Variants in REPS1 observed in about 807,000 individuals in gnomAD.
The protein encoded by REPS1 is RALBP1 associated Eps domain containing 1.
A neutral mutation model predicts 100.9 loss-of-function variants in REPS1; 39 were observed. The observed-to-expected ratio is 0.39, with a 90% CI of 0.30 to 0.50. The LOEUF is 0.50. Ranked by LOEUF, REPS1 falls within the 20% of genes least tolerant of loss-of-function variation. The pLI, the probability that REPS1 is intolerant of heterozygous loss-of-function variation, is 0.86. For missense variants in REPS1, 821 were observed against 968.5 expected, an observed-to-expected ratio of 0.85 and a Z score of 2.02; for synonymous variants, 324 against 340.3, an observed-to-expected ratio of 0.95 and a Z score of 0.53.
chr6:138,917,370 T>C (rs1780469363), intron 13 of REPS1, among the ~76,000 whole-genome samples, 185 bp downstream of exon 13: 1 of 152,252 alleles, frequency 6.6e-6, no homozygotes, highest in South Asian at 2.1e-4. Context: ...ATTTAGAAAG[T>C]CAGGGTTCTT....
intron 1 of REPS1, among the ~76,000 whole-genome samples, chr6:138,951,476 G>A (rs562567500): frequency 2.6e-5 from 4 of 152,118 alleles, no homozygotes; most frequent in East Asian, 1.9e-4. Context: ...TCATTTAGAC[G>A]TGGTGTATTA....
At chr6:138,926,736 TAC>T (rs2128452978) in intron 9 of REPS1, 1 of 353,384 alleles carries the variant, frequency 2.8e-6, no homozygotes, top group South Asian at 4.0e-5. Flanking sequence ...TTTAAAGCCT[TAC>T]AGAGTTAAAA....
At chr6:138,940,713 T>C (rs947157558) in intron 8 of REPS1, among the ~76,000 whole-genome samples, 17 of 148,214 alleles carry the variant, frequency 1.1e-4, no homozygotes, top group Non-Finnish European at 2.2e-4. Context: ...GCCACTGCAC[T>C]CCAGCCTGGT....
intron 1 of REPS1, among the ~76,000 whole-genome samples, chr6:138,956,746 C>A (rs953229): frequency 0.07 from 10,606 of 151,754 alleles, 697 homozygotes; most frequent in East Asian, 0.21. Flanking sequence ...GAACAGCTTA[C>A]CAAAGATCAG....
At chr6:138,983,308 C>T (rs964472478) in intron 1 of REPS1, among the ~76,000 whole-genome samples, 2 of 151,858 alleles carry the variant, frequency 1.3e-5, no homozygotes, top group Non-Finnish European at 2.9e-5. Context: ...AAAAATTAGC[C>T]GAGTGTGGTG....
Position 138,914,783 on chromosome 6 carries a change from T to C in REPS1, c.1721-22A>G, listed in dbSNP as rs186965679. The C allele has an allele frequency of 1.7e-4, 269 of 1,600,824 alleles. 2 individuals carry two copies. In the Admixed American group the frequency reaches 4.5e-3, roughly 27 times the overall value. On this transcript the variant is annotated intron_variant, in intron 14 of 19. Coordinates refer to ENST00000450536, the MANE Select transcript of REPS1 (RefSeq NM_001286611.2). ...TGTCCTGCATGAATACAAAAGTTCT[T>C]CTTTTTAGTAACTGTATAATCACTT... is the stretch of plus-strand genomic sequence containing the variant.
chr6:138,959,880 C>T (rs1433853150), intron 1 of REPS1, among the ~76,000 whole-genome samples: 1 of 152,160 alleles, frequency 6.6e-6, no homozygotes, highest in Non-Finnish European at 1.5e-5. Flanking sequence ...ACCATTATCC[C>T]CAGTTCATAG....
chr6:138,945,171 C>G (rs1368387691), intron 4 of REPS1, 48 bp downstream of exon 4: 1 of 1,509,054 alleles, frequency 6.6e-7, no homozygotes, highest in Admixed American at 2.1e-5. Context: ...GAGTGCAAGA[C>G]CAGCCTGGGC....
chr6:138,918,794 C>T (rs1456379360), intron 12 of REPS1, among the ~76,000 whole-genome samples: 1 of 152,054 alleles, frequency 6.6e-6, no homozygotes, highest in Non-Finnish European at 1.5e-5. Context: ...TTTTCAATTT[C>T]CTCAAAGTCT....
At chr6:138,957,598 GAAAA>G (rs1262160208) in intron 1 of REPS1, among the ~76,000 whole-genome samples, 2 of 152,086 alleles carry the variant, frequency 1.3e-5, no homozygotes, top group Non-Finnish European at 2.9e-5. Flanking sequence ...AGAAAACAGA[GAAAA>G]AAAGTTGCAG....
intron 1 of REPS1, among the ~76,000 whole-genome samples, chr6:138,979,036 C>A (rs982983353): frequency 6.6e-6 from 1 of 151,930 alleles, no homozygotes; most frequent in South Asian, 2.1e-4. Context: ...CAAAAATCAG[C>A]CAGGCGTGGT....
At chr6:138,907,743 CAGTTG>C in intron 18 of REPS1, 143 bp from the exon 19 acceptor site, 1 of 568,126 alleles carries the variant, frequency 1.8e-6, no homozygotes, top group Non-Finnish European at 3.1e-6. Context: ...CTCACTTGCT[CAGTTG>C]CAGTAGTATA....
At chr6:138,951,723 T>C (rs1291196900) in intron 1 of REPS1, among the ~76,000 whole-genome samples, 7 of 152,202 alleles carry the variant, frequency 4.6e-5, no homozygotes, top group African/African-American at 1.7e-4. Flanking sequence ...AGCTCTCATA[T>C]GTTTTTCAGT....
At chr6:138,958,504 C>A (rs150753351) in intron 1 of REPS1, among the ~76,000 whole-genome samples, 1 of 86,412 alleles carries the variant, frequency 1.2e-5, no homozygotes, top group African/African-American at 1.1e-4. Context: ...CCTCGCCCCC[C>A]ACTCCCCAAC....
At chr6:138,939,179 T>C (rs1423967471) in intron 8 of REPS1, among the ~76,000 whole-genome samples, 1 of 152,196 alleles carries the variant, frequency 6.6e-6, no homozygotes, top group Non-Finnish European at 1.5e-5. Context: ...TACCAAAATA[T>C]ATCATTTGTA....
chr6:138,906,197 CA>C (rs1349365958), intron 19 of REPS1, among the ~76,000 whole-genome samples: 1 of 152,182 alleles, frequency 6.6e-6, no homozygotes, highest in East Asian at 1.9e-4. Context: ...CATATAACTA[CA>C]AATGTCTTCT....
At chr6:138,983,398 T>C (rs1024974412) in intron 1 of REPS1, among the ~76,000 whole-genome samples, 2 of 152,092 alleles carry the variant, frequency 1.3e-5, no homozygotes, top group African/African-American at 4.8e-5. Flanking sequence ...GAGGTTGCAG[T>C]GAGCCGAGAT....
intron 15 of REPS1, among the ~76,000 whole-genome samples, chr6:138,913,541 C>G (rs1356444897): frequency 6.6e-6 from 1 of 152,156 alleles, no homozygotes; most frequent in Non-Finnish European, 1.5e-5. Flanking sequence ...ATAAAGCTGA[C>G]AGTCCGGAGC....
chr6:138,944,164 G>T, intron 5 of REPS1, 149 bp from the exon 6 acceptor site: 1 of 736,276 alleles, frequency 1.4e-6, no homozygotes, highest in Non-Finnish European at 2.2e-6. Flanking sequence ...TCAGATTATT[G>T]GATATGTTTT....
Sources: allele counts gnomAD v4.1 joint callset (sites outside exome capture counted in the v4.1 genomes callset), GRCh38; gene constraint gnomAD v4.1.1; transcripts MANE v1.5; gene names NCBI Gene and HGNC (gene_info 2026-07-23, HGNC 2026-07-21).